The following DARS1 variants were observed in gnomAD, a reference collection of about 807,000 sequenced individuals.
DARS1 encodes aspartyl-tRNA synthetase 1.
A neutral mutation model predicts 68.8 loss-of-function variants in DARS1; 51 were observed. The observed-to-expected ratio is 0.74, with a 90% CI of 0.59 to 0.94. The LOEUF (loss-of-function observed/expected upper bound fraction) is 0.94, where lower values mean the gene tolerates loss of function less well. Ranked by LOEUF, DARS1 falls within the 40% of genes least tolerant of loss-of-function variation. The pLI is 0.00. For synonymous variants in DARS1, 203 were observed against 190.4 expected (o/e 1.07, Z -0.55); for missense variants, 607 against 597.3 (o/e 1.02, Z -0.17).
chr2:135,969,810 G>A (rs554741039), intron 3 of DARS1, among the ~76,000 whole-genome samples: 2 of 152,176 alleles, frequency 1.3e-5, no homozygotes, highest in Admixed American at 1.3e-4. Flanking sequence ...TGCTCCTGAG[G>A]GAAGTTTAGG....
intron 3 of DARS1, among the ~76,000 whole-genome samples, chr2:135,973,563 A>G (rs954142258): frequency 3.9e-5 from 6 of 152,062 alleles, no homozygotes; most frequent in African/African-American, 1.2e-4. Flanking sequence ...AAAATAACTA[A>G]AAGAATGACT....
At chr2:135,929,563 A>G (rs1265748191) in intron 7 of DARS1, among the ~76,000 whole-genome samples, 1 of 152,222 alleles carries the variant, frequency 6.6e-6, no homozygotes, top group Admixed American at 6.5e-5. Flanking sequence ...GTGTACCTTC[A>G]GTGGTAAAGG....
At chr2:135,961,280 C>T in intron 4 of DARS1, 116 bp downstream of exon 4, 1 of 654,022 alleles carries the variant, frequency 1.5e-6, no homozygotes, top group Non-Finnish European at 2.7e-6. Context: ...ATTTAAATAA[C>T]TACATTTTTA....
Position 135,914,681 on chromosome 2 carries a change from T to A in DARS1, c.1107-170A>T, listed in dbSNP as rs573745946. ...GGCAAGTACTACTGAAAATCACTTA[T>A]GAGTATACCTTGGTACAGTGACTCA... On this transcript the variant is annotated intron_variant, in intron 11 of 15. Transcript: ENST00000264161. 7 of 612,906 alleles carry A rather than the reference T, an allele frequency of 1.1e-5. No individual in the cohort carries two copies. In the East Asian group the frequency reaches 2.0e-4, roughly 17 times the overall value. 38.0% of individuals were successfully genotyped at this position (612,906 alleles called of 1,614,324 possible).
At chr2:135,979,166 C>T in intron 3 of DARS1, 108 bp downstream of exon 3, 1 of 682,808 alleles carries the variant, frequency 1.5e-6, no homozygotes. Context: ...AGAAAAGTTA[C>T]ATGTTTTTGT....
chr2:135,952,197 T>C (rs1164064768), intron 4 of DARS1, among the ~76,000 whole-genome samples: 1 of 152,152 alleles, frequency 6.6e-6, no homozygotes, highest in African/African-American at 2.4e-5. Flanking sequence ...TAAGCCGAGA[T>C]TGCACCACTG....
At position 135,985,291 on chromosome 2, in the gene DARS1, G is replaced by C. The variant is rs1682750690; in HGVS notation, c.66+112C>G. ...CGCCCGGACCCCACGCCCGCAGCCT[G>C]CGGAGAACGTGCCGACAAGGACCTG... is the stretch of plus-strand genomic sequence containing the variant. On this transcript the variant is annotated intron_variant, in intron 1 of 15. Transcript: ENST00000264161. The C allele has an allele frequency of 6.9e-6, 10 of 1,455,286 alleles. No individual in the cohort carries two copies. The East Asian group carries it at 2.4e-4, about 35-fold the overall frequency. The allele number at this position is 1,455,286 out of a possible 1,614,324, so 90.1% of individuals were successfully genotyped here.
chr2:135,971,208 C>T (rs1385761062), intron 3 of DARS1, among the ~76,000 whole-genome samples: 1 of 152,090 alleles, frequency 6.6e-6, no homozygotes, highest in African/African-American at 2.4e-5. Context: ...TACTAGCAAA[C>T]CAAATTCAAC....
intron 7 of DARS1, among the ~76,000 whole-genome samples, chr2:135,929,627 T>C (rs1405371053): frequency 6.6e-6 from 1 of 152,218 alleles, no homozygotes; most frequent in African/African-American, 2.4e-5. Context: ...TAAGTTTCAA[T>C]ATATTGGCAT....
chr2:135,941,978 G>A (rs908388374), intron 5 of DARS1, among the ~76,000 whole-genome samples: 15 of 152,152 alleles, frequency 9.9e-5, no homozygotes, highest in Admixed American at 2.6e-4. Flanking sequence ...CAGTTAGAAT[G>A]GCGATCATTA....
chr2:135,920,492 G>T lies in DARS1; in HGVS notation c.920C>A (p.Ala307Asp). The change falls in exon 10 of 16, where the codon GCT (alanine) becomes GAT (aspartate). Residue 307 changes from alanine to aspartate, a missense_variant. Transcript: ENST00000264161. ...YHYHEVMEEI[A>D]DTMVQIFKGL... is the part of the protein sequence containing the mutation. Reference sequence around the variant, plus strand: ...TTTGAATATTTGTACCATGGTGTCAGCAATTTCTTCCATAACTTCGTGGTA... The same window carrying T: ...TTTGAATATTTGTACCATGGTGTCATCAATTTCTTCCATAACTTCGTGGTA... 6.2e-7 allele frequency: 1 copy of T among 1,613,482 alleles called. No individual in the cohort carries two copies. The highest frequency in any genetic ancestry group is 8.5e-7 in the Non-Finnish European group (1 of 1,179,772).
chr2:135,968,020 G>A (rs1014916226), intron 3 of DARS1, among the ~76,000 whole-genome samples: 10 of 152,162 alleles, frequency 6.6e-5, no homozygotes, highest in African/African-American at 2.4e-4. Flanking sequence ...AGCACTTTGG[G>A]AGGCCAAGGT....
At chr2:135,976,466 A>G (rs1391331296) in intron 3 of DARS1, among the ~76,000 whole-genome samples, 1 of 152,190 alleles carries the variant, frequency 6.6e-6, no homozygotes, top group Non-Finnish European at 1.5e-5. Flanking sequence ...CAGTCTGTTC[A>G]TAACATTGAC....
At chr2:135,942,461 A>G in intron 5 of DARS1, among the ~76,000 whole-genome samples, 1 of 136,612 alleles carries the variant, frequency 7.3e-6, no homozygotes, top group Non-Finnish European at 1.5e-5. Flanking sequence ...CAATGAGATC[A>G]CTTGGACACA....
chr2:135,951,571 T>A (rs1388012293), intron 4 of DARS1, among the ~76,000 whole-genome samples: 1 of 152,236 alleles, frequency 6.6e-6, no homozygotes, highest in Non-Finnish European at 1.5e-5. Context: ...GTTGACACAT[T>A]AGGGAACAAT....
intron 13 of DARS1, among the ~76,000 whole-genome samples, chr2:135,912,166 G>A (rs1680909068): frequency 6.6e-6 from 1 of 152,108 alleles, no homozygotes; most frequent in Non-Finnish European, 1.5e-5. Context: ...CCCAGTTTAA[G>A]GTCAATGACA....
At chr2:135,940,657 C>G (rs1681575033) in intron 5 of DARS1, among the ~76,000 whole-genome samples, 1 of 152,116 alleles carries the variant, frequency 6.6e-6, no homozygotes, top group Non-Finnish European at 1.5e-5. Context: ...AAGTTCTGGC[C>G]AGGGCAATCA....
chr2:135,969,334 G>A (rs772492949), intron 3 of DARS1, among the ~76,000 whole-genome samples: 5 of 151,838 alleles, frequency 3.3e-5, no homozygotes, highest in South Asian at 2.1e-4. Context: ...GTGCACATAC[G>A]TGCATTATAA....
rs1245494506 is a variant in DARS1, at chr2:135,907,304, C to A, written c.*12G>T. 1 of 1,504,768 alleles carries A rather than the reference C, an allele frequency of 6.6e-7. No individual in the cohort carries two copies. Among genetic ancestry groups the A allele is most frequent in the East Asian group, 2.5e-5 (1 of 39,832 alleles). 93.2% of individuals were successfully genotyped at this position (1,504,768 alleles called of 1,614,324 possible). A position where few individuals can be genotyped will look rare whatever the true frequency, so the allele number is the denominator to read the frequency against. ...TGTCATCCACACTGGAGTTAAGTGG[C>A]AAAGTGTGAATTTAAGGAGTGAGTC... is the stretch of plus-strand genomic sequence containing the variant. On this transcript the variant is annotated 3_prime_UTR_variant, in exon 16 of 16. Transcript: ENST00000264161.
Sources: allele counts gnomAD v4.1 joint callset (sites outside exome capture counted in the v4.1 genomes callset), GRCh38; gene constraint gnomAD v4.1.1; transcripts MANE v1.5; gene names NCBI Gene and HGNC (gene_info 2026-07-23, HGNC 2026-07-21).